Variants in KIF1B observed in about 807,000 individuals in gnomAD.
KIF1B encodes the protein kinesin-like protein KIF1B.
Under a neutral mutation model 241.9 loss-of-function variants are expected in KIF1B, and 76 were observed. That is an observed-to-expected ratio of 0.31 (90% CI 0.26 to 0.38). The LOEUF is 0.38. KIF1B is among the 10% of genes least tolerant of loss of function. KIF1B has a pLI of 1.00. For missense variants in KIF1B, 1,622 were observed against 2,271.4 expected, an observed-to-expected ratio of 0.71 and a Z score of 5.81; for synonymous variants, 750 against 796.7, an observed-to-expected ratio of 0.94 and a Z score of 0.99.
intron 1 of KIF1B, among the ~76,000 whole-genome samples, chr1:10,228,289 TTC>T (rs1156532937): frequency 2.0e-5 from 3 of 152,190 alleles, no homozygotes; most frequent in Non-Finnish European, 4.4e-5. Flanking sequence ...GTATGCTTAA[TTC>T]TGTTTTATTT....
At chr1:10,368,573 T>C in intron 44 of KIF1B, 35 bp downstream of exon 44, 1 of 1,566,978 alleles carries the variant, frequency 6.4e-7, no homozygotes, top group Non-Finnish European at 8.8e-7. Flanking sequence ...AGCCAGTATG[T>C]TGATAACTGA....
intron 38 of KIF1B, among the ~76,000 whole-genome samples, chr1:10,359,989 C>T (rs11585760): frequency 0.25 from 37,409 of 151,510 alleles, 5,210 homozygotes; most frequent in Admixed American, 0.32. Context: ...GCTGAGATTG[C>T]GCCACTGCAC....
chr1:10,348,608 A>G (rs1348910540), intron 36 of KIF1B, 41 bp from the exon 37 acceptor site: 3 of 1,462,320 alleles, frequency 2.1e-6, no homozygotes, highest in East Asian at 4.5e-5. Context: ...AGGAGATAAT[A>G]GATTGCTTCA....
chr1:10,262,248 A>C (rs1399211077), intron 5 of KIF1B, among the ~76,000 whole-genome samples: 1 of 152,096 alleles, frequency 6.6e-6, no homozygotes, highest in Non-Finnish European at 1.5e-5. Context: ...CTTCTGGGCC[A>C]AAGCGATCTT....
Position 10,303,823 on chromosome 1 carries a change from G to T in KIF1B, c.2115+6577G>T, listed in dbSNP as rs769087626. The T allele has an allele frequency of 6.2e-7, 1 of 1,614,112 alleles. No individual in the cohort carries two copies. Among genetic ancestry groups the T allele is most frequent in the Admixed American group, 1.7e-5 (1 of 60,014 alleles). On this transcript the variant is annotated intron_variant, in intron 22 of 48. Coordinates refer to ENST00000676179, the MANE Select transcript of KIF1B (RefSeq NM_001365951.3). The surrounding 1 kb of genome is among the most constrained non-coding windows in gnomAD (Gnocchi z 5.2). ...CCACAAAGCAAAGGAGCCTGTTGGT[G>T]CTGGTGTTAGTAGCACCTCTGAGAA...
intron 22 of KIF1B, chr1:10,305,677 G>T (rs1650794594): frequency 1.9e-6 from 2 of 1,057,558 alleles, no homozygotes; most frequent in East Asian, 5.3e-5. Context: ...AGTAATGCTT[G>T]TAGACACTCA....
rs553139697 is a variant in KIF1B at position 10,314,278 on chromosome 1, G to A, written c.2116-5765G>A. On this transcript the variant is annotated intron_variant, in intron 22 of 48. Coordinates refer to ENST00000676179, the MANE Select transcript of KIF1B (RefSeq NM_001365951.3). ...GAATCTCATTAATTAGCCATTTGTT[G>A]TGGGAAATGGTGATGATATACAGTG... Among the ~76,000 whole-genome samples the A allele has an allele frequency of 2.0e-4, 31 of 151,694 alleles. 2 individuals are homozygous for A. Among genetic ancestry groups the A allele is most frequent in the African/African-American group, 7.6e-4 (31 of 40,988 alleles).
chr1:10,300,843 G>A (rs1389494592), intron 22 of KIF1B, among the ~76,000 whole-genome samples: 1 of 152,202 alleles, frequency 6.6e-6, no homozygotes, highest in African/African-American at 2.4e-5. Context: ...AAAAATTAAT[G>A]TAGAGTCTGT....
At position 10,363,069 on chromosome 1, in the gene KIF1B, C is replaced by A. The variant is rs1056580340; in HGVS notation, c.4305-214C>A. ...CCTGGGTGACACAGGGAAACCCTAT[C>A]TATAAAAAAATTAAATTGAGATGAA... is the stretch of plus-strand genomic sequence containing the variant. On this transcript the variant is annotated intron_variant, in intron 40 of 48. Transcript: ENST00000676179. 4.6e-5 allele frequency among the ~76,000 whole-genome samples: 7 copies of A among 152,082 alleles called. No homozygotes were observed. The Middle Eastern group carries it at 0.01, about 222-fold the overall frequency.
At chr1:10,215,738 G>T (rs1302780111) in intron 1 of KIF1B, among the ~76,000 whole-genome samples, 1 of 151,916 alleles carries the variant, frequency 6.6e-6, no homozygotes. Flanking sequence ...AGAGATGGAG[G>T]TCTCACTATA....
At chr1:10,294,736 C>T (rs1177056438) in intron 17 of KIF1B, among the ~76,000 whole-genome samples, 1 of 152,026 alleles carries the variant, frequency 6.6e-6, no homozygotes, top group South Asian at 2.1e-4. Context: ...GGCGTGGTGG[C>T]GAACACCTGT....
chr1:10,281,363 A>G (rs998025851), intron 14 of KIF1B, among the ~76,000 whole-genome samples: 1 of 152,216 alleles, frequency 6.6e-6, no homozygotes, highest in Non-Finnish European at 1.5e-5. Flanking sequence ...AGAAAGTACA[A>G]ACAGCAAATT....
At chr1:10,334,418 G>A (rs560530987) in intron 27 of KIF1B, 102 bp from the exon 28 acceptor site, 6 of 934,444 alleles carry the variant, frequency 6.4e-6, no homozygotes, top group South Asian at 3.9e-5. Flanking sequence ...GACAAGGCCA[G>A]AAGTCAGCTC....
At chr1:10,271,432 T>G in intron 7 of KIF1B, 70 bp from the exon 8 acceptor site, 1 of 1,087,416 alleles carries the variant, frequency 9.2e-7, no homozygotes, top group Non-Finnish European at 1.4e-6. Context: ...AAAAGCATTC[T>G]GCCTCTAAAT....
intron 43 of KIF1B, among the ~76,000 whole-genome samples, chr1:10,366,395 C>G (rs953201559): frequency 6.6e-6 from 1 of 151,898 alleles, no homozygotes; most frequent in Non-Finnish European, 1.5e-5. Context: ...AAAGGATGCG[C>G]AGGAGGGAGG....
At chr1:10,341,466 G>A (rs1197933070) in intron 32 of KIF1B, among the ~76,000 whole-genome samples, 2 of 152,250 alleles carry the variant, frequency 1.3e-5, no homozygotes, top group Non-Finnish European at 2.9e-5. Flanking sequence ...GAGAGCAGGT[G>A]AAAGGAGCAG....
At position 10,312,220 on chromosome 1, in the gene KIF1B, A is replaced by G. The variant is rs888568113; in HGVS notation, c.2116-7823A>G. Among the ~76,000 whole-genome samples the G allele has an allele frequency of 2.2e-4, 33 of 151,432 alleles. 1 individual carries two copies. The highest frequency in any genetic ancestry group is 7.9e-4 in the African/African-American group (32 of 40,740). On this transcript the variant is annotated intron_variant, in intron 22 of 48. Coordinates refer to ENST00000676179, the MANE Select transcript of KIF1B (RefSeq NM_001365951.3). ...GCAGCTAGCTCAGGCCACAAATCCA[A>G]GTCACCTTTAGTTTCTCTTTTTCTT...
chr1:10,232,866 A>G (rs1647000415), intron 2 of KIF1B, among the ~76,000 whole-genome samples: 1 of 152,236 alleles, frequency 6.6e-6, no homozygotes, highest in African/African-American at 2.4e-5. Context: ...AACAATGGAT[A>G]TAATATATAG....
intron 12 of KIF1B, among the ~76,000 whole-genome samples, chr1:10,277,636 GC>G: frequency 6.6e-6 from 1 of 152,230 alleles, no homozygotes; most frequent in Non-Finnish European, 1.5e-5. Flanking sequence ...GCCTCCCGAG[GC>G]CTGTATTTTT....
Sources: allele counts gnomAD v4.1 joint callset (sites outside exome capture counted in the v4.1 genomes callset), GRCh38; gene constraint gnomAD v4.1.1; non-coding constraint Gnocchi (gnomAD v3.1); transcripts MANE v1.5; gene names NCBI Gene and HGNC (gene_info 2026-07-23, HGNC 2026-07-21).